Variants in VPS13B observed in about 807,000 individuals in gnomAD.
The protein encoded by VPS13B is intermembrane lipid transfer protein VPS13B.
A neutral mutation model predicts 426.4 loss-of-function variants in VPS13B; 285 were observed. That is an observed-to-expected ratio of 0.67 (90% CI 0.61 to 0.74). The LOEUF (loss-of-function observed/expected upper bound fraction) is 0.74. Among genes scored for constraint, VPS13B ranks in the 30% least tolerant of loss-of-function variants. The probability of loss-of-function intolerance (pLI) is 0.00; values close to 1 mark genes in which losing one functional copy is unlikely to be tolerated. For missense variants in VPS13B, 4,537 were observed against 4,782.6 expected (o/e 0.95, Z 1.51); for synonymous variants, 1,676 against 1,676.4 (o/e 1.00, Z 0.01).
At chr8:99,171,327 G>A (rs1812319069) in intron 16 of VPS13B, among the ~76,000 whole-genome samples, 1 of 151,924 alleles carries the variant, frequency 6.6e-6, no homozygotes, top group African/African-American at 2.4e-5. Flanking sequence ...ACTGGGATAT[G>A]TCACAGTTGA....
intron 1 of VPS13B, among the ~76,000 whole-genome samples, 176 bp downstream of exon 1, chr8:99,013,523 T>A (rs1303020881): frequency 6.6e-6 from 1 of 152,222 alleles, no homozygotes; most frequent in Non-Finnish European, 1.5e-5. Context: ...TCTTCCACTC[T>A]GAGGGACCCG....
intron 19 of VPS13B, among the ~76,000 whole-genome samples, chr8:99,373,478 G>T (rs947801462): frequency 6.6e-6 from 1 of 152,144 alleles, no homozygotes; most frequent in Non-Finnish European, 1.5e-5. Flanking sequence ...CTCATAGTTT[G>T]AGGTTACCAT....
chr8:99,505,644 A>G (rs1821460784), intron 27 of VPS13B, among the ~76,000 whole-genome samples: 1 of 152,170 alleles, frequency 6.6e-6, no homozygotes, highest in Admixed American at 6.5e-5. Context: ...GATCACCATA[A>G]CAGATATAAT....
At chr8:99,089,015 T>C (rs948326927) in intron 3 of VPS13B, among the ~76,000 whole-genome samples, 5 of 152,190 alleles carry the variant, frequency 3.3e-5, no homozygotes, top group African/African-American at 9.6e-5. Context: ...AAGGTTAGGT[T>C]GGATAGGTTA....
At chr8:99,351,248 TAATC>T (rs1387115630) in intron 19 of VPS13B, among the ~76,000 whole-genome samples, 1 of 152,214 alleles carries the variant, frequency 6.6e-6, no homozygotes, top group Non-Finnish European at 1.5e-5. Context: ...TGTCTCTAGT[TAATC>T]AATCCCTTTC....
Position 99,717,176 on chromosome 8 carries a change from A to G in VPS13B, c.6460A>G (p.Ile2154Val). ...VKATQKVPGI[I>V]LGSSFLLSIN... ...CTTCTGTATTTTTTTTTCAGGCATA[A>G]TTCTTGGGTCATCATTTCTACTCAG... Residue 2154 changes from isoleucine to valine, a missense_variant, in exon 37 of 62, where the codon ATT becomes GTT. Around this residue, in one of 2 missense-constraint regions of VPS13B, gnomAD observed 4,311 missense variants for 4,474.3 expected, o/e 0.96. Coordinates refer to ENST00000357162, the MANE Select transcript of VPS13B (RefSeq NM_152564.5). 6.2e-7 allele frequency: 1 copy of G among 1,613,236 alleles called. No homozygotes were observed. The highest frequency in any genetic ancestry group is 8.5e-7 in the Non-Finnish European group (1 of 1,179,366).
intron 33 of VPS13B, among the ~76,000 whole-genome samples, chr8:99,593,127 A>G (rs1826779213): frequency 6.6e-6 from 1 of 152,158 alleles, no homozygotes; most frequent in African/African-American, 2.4e-5. Flanking sequence ...TGAACAGACA[A>G]CCTACAAAAT....
intron 19 of VPS13B, among the ~76,000 whole-genome samples, chr8:99,311,114 A>C (rs940415458): frequency 6.6e-5 from 10 of 152,230 alleles, no homozygotes; most frequent in African/African-American, 1.9e-4. Context: ...TCTTTTCAAA[A>C]AACCAGGTCC....
chr8:99,102,900 A>G, intron 4 of VPS13B, 53 bp from the exon 5 acceptor site: 2 of 1,462,740 alleles, frequency 1.4e-6, no homozygotes, highest in South Asian at 2.3e-5. Flanking sequence ...TTAAGAAATA[A>G]TTATTTACTG....
intron 30 of VPS13B, among the ~76,000 whole-genome samples, chr8:99,530,141 C>CT (rs1822853550): frequency 6.6e-6 from 1 of 152,158 alleles, no homozygotes; most frequent in Non-Finnish European, 1.5e-5. Flanking sequence ...ATGTTCAACT[C>CT]TATTTTTAAT....
At chr8:99,045,733 G>T (rs980961484) in intron 3 of VPS13B, among the ~76,000 whole-genome samples, 35 of 152,150 alleles carry the variant, frequency 2.3e-4, no homozygotes, top group African/African-American at 8.2e-4. Context: ...TAAGGTGAGA[G>T]ATAAGGATCC....
chr8:99,238,230 G>A (rs907905775), intron 17 of VPS13B, among the ~76,000 whole-genome samples: 4 of 150,894 alleles, frequency 2.7e-5, no homozygotes, highest in African/African-American at 9.9e-5. Flanking sequence ...ATTAGTGTAA[G>A]AGTTTGTGGG....
At chr8:99,397,609 A>G (rs963989276) in intron 21 of VPS13B, among the ~76,000 whole-genome samples, 33 of 152,186 alleles carry the variant, frequency 2.2e-4, no homozygotes, top group African/African-American at 8.0e-4. Flanking sequence ...TTTGTCTCTC[A>G]TTAGAAAGTT....
chr8:99,705,188 G>A (rs1044708395), intron 36 of VPS13B, among the ~76,000 whole-genome samples: 1 of 151,968 alleles, frequency 6.6e-6, no homozygotes, highest in African/African-American at 2.4e-5. Flanking sequence ...GATAATTTTT[G>A]ACTATGATAT....
At chr8:99,783,820 A>C (rs1035835803) in intron 42 of VPS13B, among the ~76,000 whole-genome samples, 4 of 152,174 alleles carry the variant, frequency 2.6e-5, no homozygotes, top group Admixed American at 6.5e-5. Flanking sequence ...ACACACACAC[A>C]CATATCCACC....
chr8:99,193,535 C>T (rs1213939099), intron 17 of VPS13B, among the ~76,000 whole-genome samples: 1 of 152,008 alleles, frequency 6.6e-6, no homozygotes, highest in African/African-American at 2.4e-5. Context: ...GCTTTCATAT[C>T]ACTATAAGAG....
intron 39 of VPS13B, among the ~76,000 whole-genome samples, chr8:99,758,730 T>A (rs1318633399): frequency 6.6e-6 from 1 of 152,062 alleles, no homozygotes; most frequent in Non-Finnish European, 1.5e-5. Flanking sequence ...CTTACCAACC[T>A]CCCTCTTCCT....
intron 17 of VPS13B, among the ~76,000 whole-genome samples, chr8:99,199,393 G>A (rs756920913): frequency 6.6e-6 from 1 of 151,820 alleles, no homozygotes; most frequent in African/African-American, 2.4e-5. Flanking sequence ...GGATGGTCTC[G>A]ATCTCCTGAC....
intron 3 of VPS13B, among the ~76,000 whole-genome samples, chr8:99,076,159 TAC>T (rs1845110257): frequency 6.6e-6 from 1 of 152,224 alleles, no homozygotes; most frequent in South Asian, 2.1e-4. Context: ...TCTCTATTTG[TAC>T]AGTTTCCAAT....
Sources: gnomAD v4.1 joint callset for allele counts (sites outside exome capture counted in the v4.1 genomes callset) on GRCh38, gnomAD v4.1.1 for gene constraint, gnomAD v4.1.1 regional missense constraint, MANE v1.5 for transcripts, NCBI Gene and HGNC (gene_info 2026-07-23, HGNC 2026-07-21) for gene names.